RALGAPA2: variants seen among roughly 807,000 people sequenced by gnomAD.
RALGAPA2 encodes the protein ral GTPase-activating protein subunit alpha-2.
A neutral mutation model predicts 230.4 loss-of-function variants in RALGAPA2; 139 were observed. The ratio of observed to expected loss-of-function variants is 0.60; its 90% CI spans 0.53 to 0.69. The LOEUF (loss-of-function observed/expected upper bound fraction) is 0.69, where lower values mean the gene tolerates loss of function less well. Ranked by LOEUF, RALGAPA2 falls within the 30% of genes least tolerant of loss-of-function variation. The pLI, the probability that RALGAPA2 is intolerant of heterozygous loss-of-function variation, is 0.00. For synonymous variants in RALGAPA2, 847 were observed against 837.8 expected (o/e 1.01, Z -0.19); for missense variants, 2,163 against 2,276.0 (o/e 0.95, Z 1.01).
At chr20:20,447,420 A>G (rs1297168532) in intron 37 of RALGAPA2, among the ~76,000 whole-genome samples, 5 of 152,194 alleles carry the variant, frequency 3.3e-5, no homozygotes, top group Non-Finnish European at 7.3e-5. Context: ...AGAGAGGCCA[A>G]AATGGTTCAA....
chr20:20,668,331 A>T (rs561370910), intron 3 of RALGAPA2, among the ~76,000 whole-genome samples: 71 of 152,280 alleles, frequency 4.7e-4, no homozygotes, highest in South Asian at 3.7e-3. Context: ...TGAACCCATG[A>T]GGCGGAGGTT....
In RALGAPA2 at chr20:20,572,988, C is replaced by T. The variant is rs749205112; in HGVS notation, c.2788G>A (p.Val930Met). ...ATCCCCAAGACCCTTCGCCATAACACAGCAGCAGAGTCTGGGTGCCAACCA... is the reference window on the plus strand; with the variant it reads ...ATCCCCAAGACCCTTCGCCATAACATAGCAGCAGAGTCTGGGTGCCAACCA... Reference protein sequence around the residue: ...LTGWHPDSAAVLWRRVLGILG... With the variant: ...LTGWHPDSAAMLWRRVLGILG... The change falls in exon 21 of 40, where the codon GTG becomes ATG. Residue 930 changes from valine (V) to methionine (M), a missense_variant. Transcript: ENST00000202677. The T allele has an allele frequency of 6.2e-7, 1 of 1,609,784 alleles. No homozygotes were observed.
At chr20:20,614,804 C>G (rs565149830) in intron 13 of RALGAPA2, among the ~76,000 whole-genome samples, 9 of 152,294 alleles carry the variant, frequency 5.9e-5, no homozygotes, top group Non-Finnish European at 1.3e-4. Flanking sequence ...CAGACACTTT[C>G]CAAAGCCCCT....
intron 16 of RALGAPA2, among the ~76,000 whole-genome samples, chr20:20,594,430 T>C (rs1414299847): frequency 6.6e-6 from 1 of 152,102 alleles, no homozygotes; most frequent in Non-Finnish European, 1.5e-5. Flanking sequence ...ATGAAAATCA[T>C]TTTAATAGTG....
At chr20:20,643,175 G>C (rs1181114348) in intron 5 of RALGAPA2, among the ~76,000 whole-genome samples, 3 of 152,068 alleles carry the variant, frequency 2.0e-5, no homozygotes, top group African/African-American at 7.2e-5. Flanking sequence ...AAGCTTAGAG[G>C]GCGACTGCAC....
intron 4 of RALGAPA2, among the ~76,000 whole-genome samples, chr20:20,647,575 A>T (rs2067258973): frequency 6.6e-6 from 1 of 152,268 alleles, no homozygotes; most frequent in African/African-American, 2.4e-5. Flanking sequence ...TACACATGAC[A>T]TCAAAAGCAC....
intron 37 of RALGAPA2, among the ~76,000 whole-genome samples, chr20:20,436,074 C>T (rs1378073784): frequency 6.6e-6 from 1 of 152,186 alleles, no homozygotes; most frequent in Non-Finnish European, 1.5e-5. Context: ...AACCCTAATA[C>T]CAGACAGTAA....
intron 7 of RALGAPA2, among the ~76,000 whole-genome samples, chr20:20,638,984 T>C (rs1603161368): frequency 6.6e-6 from 1 of 152,178 alleles, no homozygotes; most frequent in Admixed American, 6.5e-5. Context: ...GAGAATCTCA[T>C]GAAGGAGGGG....
intron 37 of RALGAPA2, among the ~76,000 whole-genome samples, chr20:20,458,191 C>T (rs1220540655): frequency 6.6e-6 from 1 of 151,980 alleles, no homozygotes; most frequent in Non-Finnish European, 1.5e-5. Flanking sequence ...AAGAAACATG[C>T]TGTAAAGAGA....
At chr20:20,566,555 C>T (rs2064432960) in intron 23 of RALGAPA2, among the ~76,000 whole-genome samples, 1 of 152,138 alleles carries the variant, frequency 6.6e-6, no homozygotes, top group Non-Finnish European at 1.5e-5. Flanking sequence ...GATGGTGTTG[C>T]TGTTCTTCTC....
intron 9 of RALGAPA2, among the ~76,000 whole-genome samples, chr20:20,634,214 C>T (rs2066779248): frequency 6.6e-6 from 1 of 151,928 alleles, no homozygotes; most frequent in African/African-American, 2.4e-5. Flanking sequence ...CTTCTTCTTC[C>T]ACCCACCTAA....
Position 20,639,869 on chromosome 20 carries a change from G to A in RALGAPA2, c.582C>T (p.Leu194=), listed in dbSNP as rs776163031. The change falls in exon 7 of 40, where the codon CTC becomes CTT. Residue 194 remains leucine, a synonymous_variant. Coordinates refer to ENST00000202677, the MANE Select transcript of RALGAPA2 (RefSeq NM_020343.4). ...VKIYPEEITP[L]LPAISGEKIA... Reference sequence around the variant, plus strand: ...TCTTCTCCCCTGATATGGCTGGTAGGAGTGGAGTGATTTCTTCTGGATATA... The same window carrying A: ...TCTTCTCCCCTGATATGGCTGGTAGAAGTGGAGTGATTTCTTCTGGATATA... 1.2e-6 allele frequency: 2 copies of A among 1,613,312 alleles called. No homozygotes were observed. The highest frequency in any genetic ancestry group is 2.7e-5 in the African/African-American group (2 of 74,916).
At chr20:20,573,651 G>T (rs2064723300) in intron 20 of RALGAPA2, among the ~76,000 whole-genome samples, 1 of 152,052 alleles carries the variant, frequency 6.6e-6, no homozygotes, top group Non-Finnish European at 1.5e-5. Flanking sequence ...TTTGTTCTCT[G>T]TTCCTATAGT....
intron 35 of RALGAPA2, among the ~76,000 whole-genome samples, chr20:20,501,943 TG>T (rs2062389555): frequency 6.6e-6 from 1 of 152,032 alleles, no homozygotes; most frequent in South Asian, 2.1e-4. Flanking sequence ...ACACCGAACA[TG>T]TATGAATTAA....
intron 20 of RALGAPA2, among the ~76,000 whole-genome samples, chr20:20,577,406 C>G (rs1454872263): frequency 6.6e-6 from 1 of 152,146 alleles, no homozygotes; most frequent in Non-Finnish European, 1.5e-5. Flanking sequence ...AAGGCCTTCC[C>G]AAACACAGAA....
At chr20:20,579,607 C>G (rs535827719) in intron 20 of RALGAPA2, among the ~76,000 whole-genome samples, 65 of 152,220 alleles carry the variant, frequency 4.3e-4, no homozygotes, top group African/African-American at 1.5e-3. Flanking sequence ...GGTTGAATTA[C>G]TGACACTTTT....
intron 1 of RALGAPA2, among the ~76,000 whole-genome samples, chr20:20,688,274 C>A (rs2068775803): frequency 6.6e-6 from 1 of 151,814 alleles, no homozygotes; most frequent in Non-Finnish European, 1.5e-5. Flanking sequence ...CCACTGCACT[C>A]CAGCCTGGGC....
At chr20:20,576,352 T>A (rs566550994) in intron 20 of RALGAPA2, among the ~76,000 whole-genome samples, 3 of 152,260 alleles carry the variant, frequency 2.0e-5, no homozygotes, top group Middle Eastern at 3.4e-3. Context: ...AGCTGTCATG[T>A]CTCCATAGCC....
At chr20:20,599,686 T>A (rs2146189573) in intron 16 of RALGAPA2, among the ~76,000 whole-genome samples, 1 of 152,300 alleles carries the variant, frequency 6.6e-6, no homozygotes, top group South Asian at 2.1e-4. Context: ...ACCCTTTGCC[T>A]ATTCGAATTC....
Sources: gnomAD v4.1 joint callset for allele counts (sites outside exome capture counted in the v4.1 genomes callset) on GRCh38, gnomAD v4.1.1 for gene constraint, MANE v1.5 for transcripts, NCBI Gene and HGNC (gene_info 2026-07-23, HGNC 2026-07-21) for gene names.